BMPER: variants seen among roughly 807,000 people sequenced by gnomAD.
BMPER encodes the protein BMP-binding endothelial regulator protein.
Under a neutral mutation model 87.3 loss-of-function variants are expected in BMPER, and 45 were observed. That is an observed-to-expected ratio of 0.52 (90% confidence interval 0.41 to 0.66). BMPER has a LOEUF of 0.66. Among genes scored for constraint, BMPER ranks in the 30% least tolerant of loss-of-function variants. The pLI is 0.00. For missense variants in BMPER, 784 were observed against 867.5 expected (o/e 0.90, Z 1.21); for synonymous variants, 326 against 316.2 (o/e 1.03, Z -0.33).
chr7:33,920,092 C>T (rs34601711), intron 2 of BMPER, among the ~76,000 whole-genome samples: 7,615 of 152,184 alleles, frequency 0.05, 260 homozygotes, highest in South Asian at 0.091. Flanking sequence ...TAAAATGGAG[C>T]CTGAACACTA....
intron 13 of BMPER, among the ~76,000 whole-genome samples, chr7:34,115,578 C>T (rs1453734272): frequency 6.6e-6 from 1 of 152,158 alleles, no homozygotes. Context: ...ACATTTCATA[C>T]AAATGAAATT....
intron 6 of BMPER, among the ~76,000 whole-genome samples, chr7:33,997,998 A>T (rs890822860): frequency 5.9e-5 from 9 of 151,776 alleles, no homozygotes; most frequent in Admixed American, 3.9e-4. Flanking sequence ...TGCTTTTTTC[A>T]TTTTGTCTTT....
At chr7:33,964,963 A>G (rs1785368333) in intron 3 of BMPER, among the ~76,000 whole-genome samples, 1 of 152,170 alleles carries the variant, frequency 6.6e-6, no homozygotes, top group Admixed American at 6.5e-5. Flanking sequence ...TATTATCTGA[A>G]TGAGTCTGTG....
chr7:34,096,795 A>G (rs1465065992), intron 13 of BMPER, among the ~76,000 whole-genome samples: 1 of 152,228 alleles, frequency 6.6e-6, no homozygotes, highest in Non-Finnish European at 1.5e-5. Flanking sequence ...TTCTAGATTA[A>G]TGGTCAATTA....
rs2127997941 is a variant in BMPER, at chr7:34,155,292, G to T, written c.*2019G>T. Reference sequence around the variant, plus strand: ...TAAATCCCTTTTCAGTTCACTGTTGGTTCTCATCTTTGAAAGAGGGCAGCA... The same window carrying T: ...TAAATCCCTTTTCAGTTCACTGTTGTTTCTCATCTTTGAAAGAGGGCAGCA... On this transcript the variant is annotated 3_prime_UTR_variant, in exon 15 of 15. Coordinates refer to ENST00000649409, the MANE Select transcript of BMPER (RefSeq NM_001365308.1). The T allele has an allele frequency of 6.6e-6, 1 of 152,298 alleles. No individual in the cohort carries two copies. The highest frequency in any genetic ancestry group is 2.4e-5 in the African/African-American group (1 of 41,568). 9.4% of individuals were successfully genotyped at this position (152,298 alleles called of 1,614,324 possible). A position where few individuals can be genotyped will look rare whatever the true frequency, so the allele number is the denominator to read the frequency against.
intron 2 of BMPER, chr7:33,921,922 C>T (rs1243436964): frequency 6.5e-6 from 3 of 458,724 alleles, no homozygotes; most frequent in South Asian, 3.1e-5. Flanking sequence ...CCACTTCACC[C>T]CAACCCCTTC....
rs34845605 is a variant in BMPER, at chr7:34,132,446, C to T, written c.1746-10784C>T. ...CAGTTCTGCCCTGCTCTCCCTACCA[C>T]GCCCCAAAGGCCTCCGGATCGAAGC... On this transcript the variant is annotated intron_variant, in intron 13 of 14. Coordinates refer to ENST00000649409, the MANE Select transcript of BMPER (RefSeq NM_001365308.1). Among the ~76,000 whole-genome samples, 290 of 146,354 alleles carry T rather than the reference C, an allele frequency of 2.0e-3. 3 individuals are homozygous for T. The highest frequency in any genetic ancestry group is 3.6e-3 in the Non-Finnish European group (236 of 65,190).
At chr7:33,914,714 T>TG (rs1313016300) in intron 2 of BMPER, among the ~76,000 whole-genome samples, 1 of 152,074 alleles carries the variant, frequency 6.6e-6, no homozygotes, top group East Asian at 1.9e-4. Context: ...TTTAAAAAAA[T>TG]GGGCCTATAA....
intron 2 of BMPER, among the ~76,000 whole-genome samples, chr7:33,914,118 A>G (rs1784031988): frequency 6.6e-6 from 1 of 151,338 alleles, no homozygotes; most frequent in African/African-American, 2.4e-5. Flanking sequence ...GCCCGCCACT[A>G]TGCCCGGCTA....
At chr7:34,003,196 T>C (rs1267390243) in intron 6 of BMPER, among the ~76,000 whole-genome samples, 2 of 151,680 alleles carry the variant, frequency 1.3e-5, no homozygotes, top group Admixed American at 6.6e-5. Context: ...CACACACATA[T>C]ATACACACAC....
chr7:33,955,992 G>C (rs1785138382), intron 3 of BMPER, among the ~76,000 whole-genome samples: 1 of 151,618 alleles, frequency 6.6e-6, no homozygotes. Flanking sequence ...CATGGCACTG[G>C]AGCAGTGAGC....
rs1791265388 is a variant in BMPER, at chr7:34,154,538, T to C, written c.*1265T>C. ...AGATGTCCTGTGTTATACTTTACAA[T>C]TAGTTGTATCAACTTCAGATTCATT... On this transcript the variant is annotated 3_prime_UTR_variant, in exon 15 of 15. Coordinates refer to ENST00000649409, the MANE Select transcript of BMPER (RefSeq NM_001365308.1). The C allele has an allele frequency of 6.6e-6, 1 of 152,240 alleles. No individual in the cohort carries two copies. Among genetic ancestry groups the C allele is most frequent in the African/African-American group, 2.4e-5 (1 of 41,456 alleles). The allele number at this position is 152,240 out of a possible 1,614,324, so 9.4% of individuals were successfully genotyped here. A position where few individuals can be genotyped will look rare whatever the true frequency, so the allele number is the denominator to read the frequency against.
At chr7:34,094,681 C>G (rs1325261311) in intron 13 of BMPER, among the ~76,000 whole-genome samples, 1 of 152,172 alleles carries the variant, frequency 6.6e-6, no homozygotes, top group Admixed American at 6.5e-5. Context: ...GCGAGCTCAC[C>G]CACTGAAGCC....
At chr7:34,060,483 A>G (rs1788408822) in intron 10 of BMPER, among the ~76,000 whole-genome samples, 1 of 152,182 alleles carries the variant, frequency 6.6e-6, no homozygotes, top group South Asian at 2.1e-4. Context: ...ATATGTTGTG[A>G]TGCCCCCACA....
intron 6 of BMPER, among the ~76,000 whole-genome samples, chr7:33,990,723 G>C (rs1424380309): frequency 7.5e-6 from 1 of 133,008 alleles, no homozygotes; most frequent in Non-Finnish European, 1.6e-5. Flanking sequence ...TCCAGTTTTT[G>C]CCCATTCAGT....
intron 11 of BMPER, among the ~76,000 whole-genome samples, chr7:34,072,199 A>G (rs1788753123): frequency 6.6e-6 from 1 of 152,186 alleles, no homozygotes; most frequent in Non-Finnish European, 1.5e-5. Context: ...AAAATACAGA[A>G]AGCATCTGGC....
intron 6 of BMPER, among the ~76,000 whole-genome samples, chr7:34,013,095 G>A (rs373207287): frequency 2.6e-5 from 4 of 151,624 alleles, no homozygotes; most frequent in African/African-American, 9.7e-5. Context: ...GCAGAACATT[G>A]TGCTCAATCC....
intron 13 of BMPER, among the ~76,000 whole-genome samples, chr7:34,112,357 G>C (rs1189354700): frequency 6.6e-6 from 1 of 151,830 alleles, no homozygotes; most frequent in South Asian, 2.1e-4. Context: ...TTAGCCAGGC[G>C]TGGTGGTGGG....
chr7:34,102,131 G>T (rs1789696413), intron 13 of BMPER, among the ~76,000 whole-genome samples: 1 of 106,910 alleles, frequency 9.4e-6, no homozygotes, highest in South Asian at 4.4e-4. Flanking sequence ...GGTCCCCCAG[G>T]TTTGCCTTTT....
Sources: allele counts gnomAD v4.1 joint callset (sites outside exome capture counted in the v4.1 genomes callset), GRCh38; gene constraint gnomAD v4.1.1; transcripts MANE v1.5; gene names NCBI Gene and HGNC (gene_info 2026-07-23, HGNC 2026-07-21).